The following PDE4B variants were observed in gnomAD, a reference collection of about 807,000 sequenced individuals.
PDE4B encodes the protein 3',5'-cyclic-AMP phosphodiesterase 4B.
Under a neutral mutation model 82.2 loss-of-function variants are expected in PDE4B, and 20 were observed. The observed-to-expected ratio is 0.24, with a 90% CI of 0.17 to 0.35. The LOEUF is 0.35. PDE4B is among the 10% of genes least tolerant of loss of function. PDE4B has a pLI of 1.00. For synonymous variants in PDE4B, 320 were observed against 318.9 expected, an observed-to-expected ratio of 1.00 and a Z score of -0.04; for missense variants, 655 against 907.2, an observed-to-expected ratio of 0.72 and a Z score of 3.57.
chr1:66,014,059 C>T (rs1328739804), intron 3 of PDE4B, among the ~76,000 whole-genome samples: 2 of 132,048 alleles, frequency 1.5e-5, no homozygotes, highest in African/African-American at 5.7e-5. Flanking sequence ...TGATGTTGAG[C>T]AGCTTTTCAC....
intron 3 of PDE4B, among the ~76,000 whole-genome samples, chr1:66,186,902 G>C (rs906846473): frequency 6.6e-6 from 1 of 152,144 alleles, no homozygotes; most frequent in African/African-American, 2.4e-5. Flanking sequence ...GGGCATCCCT[G>C]TCTTGTGCCA....
intron 1 of PDE4B, among the ~76,000 whole-genome samples, chr1:65,823,396 TAAAAAAAAAAAAAA>T (rs35854326): frequency 1.4e-5 from 1 of 70,420 alleles, no homozygotes; most frequent in Admixed American, 1.7e-4. Flanking sequence ...ACTCCATCTC[TAAAAAAAAAAAAAA>T]AAAAAAAAAA....
intron 3 of PDE4B, among the ~76,000 whole-genome samples, chr1:65,966,869 C>T (rs1455319761): frequency 1.3e-5 from 2 of 152,064 alleles, no homozygotes; most frequent in African/African-American, 4.8e-5. Flanking sequence ...TTCCTTAAAC[C>T]TTATATAAAA....
chr1:66,247,141 G>A (rs983089966), intron 3 of PDE4B, among the ~76,000 whole-genome samples: 5 of 152,090 alleles, frequency 3.3e-5, no homozygotes, highest in Non-Finnish European at 7.4e-5. Flanking sequence ...TGGCACCAAC[G>A]CCGAATTTGT....
At chr1:66,073,994 T>C (rs1022028096) in intron 3 of PDE4B, among the ~76,000 whole-genome samples, 4 of 152,128 alleles carry the variant, frequency 2.6e-5, no homozygotes, top group African/African-American at 9.7e-5. Context: ...GCAGTGTTCC[T>C]TGGGAACTTC....
intron 3 of PDE4B, among the ~76,000 whole-genome samples, chr1:66,018,316 A>T (rs1569990483): frequency 6.6e-6 from 1 of 152,086 alleles, no homozygotes; most frequent in South Asian, 2.1e-4. Flanking sequence ...GCTAGTCGGG[A>T]GGCTGAGGTA....
Position 66,000,713 on chromosome 1 carries a change from A to G in PDE4B, c.281+81878A>G, listed in dbSNP as rs562279044. Among the ~76,000 whole-genome samples, 7 of 152,334 alleles carry G rather than the reference A, an allele frequency of 4.6e-5. No homozygotes were observed. The South Asian group carries it at 1.0e-3, about 23-fold the overall frequency. On this transcript the variant is annotated intron_variant, in intron 3 of 16. Transcript: ENST00000341517. ...CCTTTGTAAAGAGAATGCCTATGAG[A>G]TGATGTGCTCCCTTGACAGACCAAG...
intron 3 of PDE4B, among the ~76,000 whole-genome samples, chr1:66,212,373 T>C (rs1036249440): frequency 6.6e-6 from 1 of 152,176 alleles, no homozygotes; most frequent in African/African-American, 2.4e-5. Context: ...CCTCATGCCA[T>C]GCCAGCCTTT....
intron 1 of PDE4B, among the ~76,000 whole-genome samples, chr1:65,877,646 A>G (rs554865471): frequency 3.3e-5 from 5 of 151,436 alleles, no homozygotes; most frequent in Admixed American, 6.6e-5. Context: ...TAAATAAATA[A>G]ATAAATAAAT....
intron 3 of PDE4B, among the ~76,000 whole-genome samples, chr1:65,970,781 A>G (rs1048036968): frequency 1.3e-5 from 2 of 152,078 alleles, no homozygotes; most frequent in African/African-American, 4.8e-5. Context: ...TTGCATCTAT[A>G]ACAAGCAATG....
intron 1 of PDE4B, among the ~76,000 whole-genome samples, chr1:65,828,058 A>G (rs1347223360): frequency 6.6e-6 from 1 of 152,136 alleles, no homozygotes; most frequent in Admixed American, 6.6e-5. Context: ...TGGAAAGAAA[A>G]TTAAACGCCT....
intron 3 of PDE4B, among the ~76,000 whole-genome samples, chr1:66,073,960 A>G (rs966059646): frequency 1.3e-5 from 2 of 152,164 alleles, no homozygotes; most frequent in African/African-American, 4.8e-5. Context: ...TAAATTTAAT[A>G]CAGATAGGGC....
intron 10 of PDE4B, 65 bp from the exon 11 acceptor site, chr1:66,363,102 TA>T: frequency 1.8e-6 from 2 of 1,093,026 alleles, no homozygotes; most frequent in Non-Finnish European, 2.8e-6. Flanking sequence ...AAAAATAAAT[TA>T]AAAAAATGAG....
rs541848468 is a variant in PDE4B, at chr1:66,373,769, T to C, written c.*1091T>C. On this transcript the variant is annotated 3_prime_UTR_variant, in exon 17 of 17. Transcript: ENST00000341517. ...TCTGCCTAAGAGTTACGACTTTTTC[T>C]TGTAATGTTTTGTATTGTGTATTAT... The C allele has an allele frequency of 1.3e-5, 2 of 152,694 alleles. No individual in the cohort carries two copies. Among genetic ancestry groups the C allele is most frequent in the South Asian group, 4.1e-4 (2 of 4,830 alleles). 9.5% of individuals were successfully genotyped at this position (152,694 alleles called of 1,614,324 possible).
chr1:65,992,805 GA>G, intron 3 of PDE4B: 1 of 1,455,670 alleles, frequency 6.9e-7, no homozygotes, highest in Non-Finnish European at 9.0e-7. Flanking sequence ...AATTAAACTG[GA>G]AATAGTTTGC....
chr1:66,058,230 G>GGTAT (rs1347458953), intron 3 of PDE4B, among the ~76,000 whole-genome samples: 3 of 152,218 alleles, frequency 2.0e-5, no homozygotes, highest in Non-Finnish European at 4.4e-5. Flanking sequence ...GATGGAAGAG[G>GGTAT]TGGGTTCCCA....
At chr1:66,295,113 G>A (rs1016044036) in intron 7 of PDE4B, among the ~76,000 whole-genome samples, 1 of 152,150 alleles carries the variant, frequency 6.6e-6, no homozygotes, top group Non-Finnish European at 1.5e-5. Context: ...GTAGATCAGG[G>A]ACTTCGAAGT....
At chr1:66,360,416 T>C (rs532286480) in intron 9 of PDE4B, 1 of 152,292 alleles carries the variant, frequency 6.6e-6, no homozygotes, top group African/African-American at 2.4e-5. Flanking sequence ...GGAAAACATG[T>C]GACTGTGCCA....
chr1:66,352,109 C>G (rs1302849651), intron 8 of PDE4B, among the ~76,000 whole-genome samples: 2 of 152,048 alleles, frequency 1.3e-5, no homozygotes, highest in African/African-American at 2.4e-5. Flanking sequence ...TTGGGCCCTC[C>G]CTTATGGAGG....
Sources: gnomAD v4.1 joint callset for allele counts (sites outside exome capture counted in the v4.1 genomes callset) on GRCh38, gnomAD v4.1.1 for gene constraint, MANE v1.5 for transcripts, NCBI Gene and HGNC (gene_info 2026-07-23, HGNC 2026-07-21) for gene names.